The following MFSD2B variants were observed in gnomAD, a reference collection of about 807,000 sequenced individuals.
MFSD2B encodes MFSD2 lysolipid transporter B, sphingolipid.
Under a neutral mutation model 58.4 loss-of-function variants are expected in MFSD2B, and 56 were observed. The observed-to-expected ratio is 0.96, with a 90% confidence interval of 0.77 to 1.20. MFSD2B has a LOEUF of 1.20. Among genes scored for constraint, MFSD2B ranks in the 50% most tolerant of loss-of-function variants. MFSD2B has a pLI of 0.00. For missense variants in MFSD2B, 645 were observed against 667.6 expected (o/e 0.97, Z 0.37); for synonymous variants, 287 against 294.4 (o/e 0.97, Z 0.26).
At chr2:24,013,432 GTC>G (rs1709027406) in intron 2 of MFSD2B, 22 bp downstream of exon 2, 1 of 1,581,554 alleles carries the variant, frequency 6.3e-7, no homozygotes, top group Admixed American at 1.7e-5. Context: ...CAGTAGCCCA[GTC>G]TCTGCTGGCA....
Position 24,011,592 on chromosome 2 carries a change from C to A in MFSD2B, c.96+1400C>A, listed in dbSNP as rs996018022. Among the ~76,000 whole-genome samples the A allele has an allele frequency of 2.4e-4, 37 of 152,272 alleles. 1 individual carries two copies. Among genetic ancestry groups the A allele is most frequent in the African/African-American group, 8.7e-4 (36 of 41,542 alleles). ...GCCATGTCATCTCCACTCCCTCCAG[C>A]CCCCAGCAAACGATGAGAAAAGAGC... On this transcript the variant is annotated intron_variant, in intron 1 of 13. Transcript: ENST00000338315.
intron 6 of MFSD2B, among the ~76,000 whole-genome samples, chr2:24,019,885 G>A (rs572874543): frequency 1.3e-5 from 2 of 152,320 alleles, no homozygotes; most frequent in East Asian, 1.9e-4. Context: ...GAATCCACAC[G>A]CTGCTGCTGG....
Position 24,023,495 on chromosome 2 carries a change from G to A in MFSD2B, c.1170-88G>A. Reference sequence around the variant, plus strand: ...GGTCCTGGGCACAGAACTCAGGGATGAATCCACTTTGGCCTCCGTCCCCAG... The same window carrying A: ...GGTCCTGGGCACAGAACTCAGGGATAAATCCACTTTGGCCTCCGTCCCCAG... On this transcript the variant is annotated intron_variant, in intron 11 of 13. Transcript: ENST00000338315. The surrounding 1 kb of genome is among the most constrained non-coding windows in gnomAD (Gnocchi z 5.0). 6.8e-7 allele frequency: 1 copy of A among 1,461,734 alleles called. No homozygotes were observed. 90.5% of individuals were successfully genotyped at this position (1,461,734 alleles called of 1,614,324 possible). A position where few individuals can be genotyped will look rare whatever the true frequency, so the allele number is the denominator to read the frequency against.
At position 24,023,520 on chromosome 2, in the gene MFSD2B, G is replaced by A. The variant is rs899863190; in HGVS notation, c.1170-63G>A. 8.4e-6 allele frequency: 13 copies of A among 1,554,072 alleles called. No individual in the cohort carries two copies. Among genetic ancestry groups the A allele is most frequent in the Admixed American group, 5.8e-5 (3 of 51,616 alleles). ...GAATCCACTTTGGCCTCCGTCCCCA[G>A]AGAATTCACAGGCTGCTGGTGGCCA... On this transcript the variant is annotated intron_variant, in intron 11 of 13. Transcript: ENST00000338315. The surrounding 1 kb of genome is among the most constrained non-coding windows in gnomAD (Gnocchi z 5.0).
At position 24,025,614 on chromosome 2, in the gene MFSD2B, C is replaced by T. The variant is rs1012760001; in HGVS notation, c.*158C>T. 5 of 670,738 alleles carry T rather than the reference C, an allele frequency of 7.5e-6. No homozygotes were observed. Among genetic ancestry groups the T allele is most frequent in the African/African-American group, 7.1e-5 (4 of 56,174 alleles). The allele number at this position is 670,738 out of a possible 1,614,324, so 41.5% of individuals were successfully genotyped here. A position where few individuals can be genotyped will look rare whatever the true frequency, so the allele number is the denominator to read the frequency against. ...GCAACGTGTCCTGAAGGGACTGGCC[C>T]GCACTCCAGGACCCCACTTGGCATT... On this transcript the variant is annotated 3_prime_UTR_variant, in exon 14 of 14. Transcript: ENST00000338315.
In MFSD2B at chr2:24,017,203, G is replaced by A. The variant is rs531254350; in HGVS notation, c.472-83G>A. 2.1e-6 allele frequency: 3 copies of A among 1,412,654 alleles called. No individual in the cohort carries two copies. The highest frequency in any genetic ancestry group is 2.0e-5 in the Admixed American group (1 of 49,092). The allele number at this position is 1,412,654 out of a possible 1,614,324, so 87.5% of individuals were successfully genotyped here. A position where few individuals can be genotyped will look rare whatever the true frequency, so the allele number is the denominator to read the frequency against. On this transcript the variant is annotated intron_variant, in intron 4 of 13. Transcript: ENST00000338315. The surrounding 1 kb of genome is among the most constrained non-coding windows in gnomAD (Gnocchi z 4.8). ...ATGTCACGTTGGCCTGTGGGTGTCG[G>A]GATGTGACACCCAGGATGGGGGAGG...
intron 2 of MFSD2B, among the ~76,000 whole-genome samples, chr2:24,015,702 C>CAA (rs1298821065): frequency 6.6e-6 from 1 of 152,242 alleles, no homozygotes; most frequent in African/African-American, 2.4e-5. Flanking sequence ...TCAGAAAAAA[C>CAA]AATGCATCCT....
At chr2:24,011,445 C>T (rs971761604) in intron 1 of MFSD2B, among the ~76,000 whole-genome samples, 5 of 152,166 alleles carry the variant, frequency 3.3e-5, no homozygotes, top group African/African-American at 1.2e-4. Flanking sequence ...TCATCCTGCC[C>T]CCAGTGTGGT....
At position 24,021,647 on chromosome 2, in the gene MFSD2B, G is replaced by T. The variant is rs773412328; in HGVS notation, c.682-1G>T. ...CATCCCAGTCCTGTCCTGTCCCACA[G>T]GCCCATCTCTACTGCATTGCGGCTG... On this transcript the variant is annotated splice_acceptor_variant, in intron 6 of 13. Transcript: ENST00000338315. LOFTEE classifies it high-confidence loss of function. This position sits in a 1 kb window ranked among gnomAD's most constrained non-coding sequence, Gnocchi z 5.7. The T allele has an allele frequency of 6.8e-6, 11 of 1,611,856 alleles. No homozygotes were observed. Among genetic ancestry groups the T allele is most frequent in the Admixed American group, 3.3e-5 (2 of 59,710 alleles).
In MFSD2B at chr2:24,010,101, C is replaced by T; in HGVS notation, c.5C>T (p.Ala2Val). M[A>V]APPAPAAKGS... ...GCGGGCGGCGCTGCGGTGGCAATGGCGGCGCCCCCTGCACCAGCCGCCAAG... is the reference window on the plus strand; with the variant it reads ...GCGGGCGGCGCTGCGGTGGCAATGGTGGCGCCCCCTGCACCAGCCGCCAAG... The change falls in exon 1 of 14, where the codon GCG becomes GTG. Residue 2 changes from alanine to valine, a missense_variant. Coordinates refer to ENST00000338315, the MANE Select transcript of MFSD2B (RefSeq NM_001346880.2). 1 of 1,433,432 alleles carries T rather than the reference C, an allele frequency of 7.0e-7. No homozygotes were observed. Among genetic ancestry groups the T allele is most frequent in the Non-Finnish European group, 9.1e-7 (1 of 1,099,918 alleles). 88.8% of individuals were successfully genotyped at this position (1,433,432 alleles called of 1,614,324 possible).
At position 24,017,510 on chromosome 2, in the gene MFSD2B, C is replaced by T. The variant is rs1294489296; in HGVS notation, c.603C>T (p.Leu201=). 4 of 1,591,728 alleles carry T rather than the reference C, an allele frequency of 2.5e-6. No individual in the cohort carries two copies. Among genetic ancestry groups the T allele is most frequent in the East Asian group, 4.6e-5 (2 of 43,844 alleles). The change falls in exon 6 of 14, where the codon CTC becomes CTT. Residue 201 remains leucine (L), a synonymous_variant. Coordinates refer to ENST00000338315, the MANE Select transcript of MFSD2B (RefSeq NM_001346880.2). This position sits in a 1 kb window ranked among gnomAD's most constrained non-coding sequence, Gnocchi z 4.8. The part of the protein sequence containing the change: ...GTLMGATVHG[L]IVSGAHRPHR... ...TGATGGGGGCCACTGTCCACGGGCT[C>T]ATCGTGTCCGGCGCCCACAGACCCC...
At chr2:24,016,729 G>C in intron 3 of MFSD2B, 116 bp from the exon 4 acceptor site, 1 of 1,292,958 alleles carries the variant, frequency 7.7e-7, no homozygotes, top group Non-Finnish European at 1.0e-6. Flanking sequence ...CACCCAGGGC[G>C]CCCCAGCCTA....
chr2:24,022,301 G>A lies in MFSD2B; in HGVS notation c.895-132G>A. 3 of 761,602 alleles carry A rather than the reference G, an allele frequency of 3.9e-6. No individual in the cohort carries two copies. The highest frequency in any genetic ancestry group is 5.4e-5 in the East Asian group (2 of 37,294). The allele number at this position is 761,602 out of a possible 1,614,324, so 47.2% of individuals were successfully genotyped here. ...TTGGGGATAAGTGTCCTTTGTGGGG[G>A]AAGGGACTGTATGATGGTAGCAGCA... On this transcript the variant is annotated intron_variant, in intron 8 of 13. Transcript: ENST00000338315. The surrounding 1 kb of genome is among the most constrained non-coding windows in gnomAD (Gnocchi z 4.5).
chr2:24,025,351 A>G, intron 13 of MFSD2B, 81 bp from the exon 14 acceptor site: 5 of 1,358,998 alleles, frequency 3.7e-6, no homozygotes, highest in Non-Finnish European at 5.1e-6. Context: ...GCAGCCACCA[A>G]ACCTTCCGCG....
In MFSD2B at chr2:24,024,241, G is replaced by C. The variant is rs758480146; in HGVS notation, c.1460G>C (p.Arg487Pro). The change falls in exon 13 of 14, where the codon CGG becomes CCG. Residue 487 changes from arginine (R) to proline (P), a missense_variant. Transcript: ENST00000338315. The surrounding 1 kb of genome is among the most constrained non-coding windows in gnomAD (Gnocchi z 4.3). The stretch of plus-strand genomic sequence containing the variant: ...GGCTCCACTCCAAAGACACCCAGTC[G>C]GGACGCCTCCAGCCGGCTGAGCCTT... ...MVGSTPKTPS[R>P]DASSRLSLRR... 38 of 1,611,058 alleles carry C rather than the reference G, an allele frequency of 2.4e-5. 2 individuals are homozygous for C. The South Asian group carries it at 3.0e-4, about 13-fold the overall frequency.
chr2:24,017,304 A>C lies in MFSD2B; in HGVS notation c.490A>C (p.Thr164Pro). 1 of 1,603,970 alleles carries C rather than the reference A, an allele frequency of 6.2e-7. No individual in the cohort carries two copies. Among genetic ancestry groups the C allele is most frequent in the Non-Finnish European group, 8.5e-7 (1 of 1,175,870 alleles). The change falls in exon 5 of 14, where the codon ACA becomes CCA. Residue 164 changes from threonine (T) to proline (P), a missense_variant. Transcript: ENST00000338315. This position sits in a 1 kb window ranked among gnomAD's most constrained non-coding sequence, Gnocchi z 4.8. ...GCCCCAGTTCTTCCAGGTGCCCTAC[A>C]CAGCGCTCACCATGCTGCTGACTCC... ...ALATFFQVPY[T>P]ALTMLLTPCP...
In MFSD2B at chr2:24,021,987, G is replaced by GC. The variant is rs1558325656; in HGVS notation, c.894+22dup. 1.2e-6 allele frequency: 2 copies of GC among 1,613,880 alleles called. No individual in the cohort carries two copies. Among genetic ancestry groups the GC allele is most frequent in the Non-Finnish European group, 1.7e-6 (2 of 1,179,828 alleles). The stretch of plus-strand genomic sequence containing the variant: ...GCTGTTCAGGTACCTCTGGCCAGCT[G>GC]CCCCCGACAGGCTTGGTGCTGGCCA... On this transcript the variant is annotated intron_variant, in intron 8 of 13. Transcript: ENST00000338315. The surrounding 1 kb of genome is among the most constrained non-coding windows in gnomAD (Gnocchi z 5.7).
At chr2:24,014,350 C>T (rs149661577) in intron 2 of MFSD2B, among the ~76,000 whole-genome samples, 12 of 152,186 alleles carry the variant, frequency 7.9e-5, no homozygotes, top group Admixed American at 2.0e-4. Context: ...GACGGGGTTT[C>T]GCCATGTTGG....
At position 24,017,043 on chromosome 2, in the gene MFSD2B, TG is replaced by T; in HGVS notation, c.471+80del. 4 of 1,573,630 alleles carry T rather than the reference TG, an allele frequency of 2.5e-6. No homozygotes were observed. Among genetic ancestry groups the T allele is most frequent in the Non-Finnish European group, 8.6e-7 (1 of 1,162,622 alleles). ...GCCATGGCCACTCTGAAGTGTGCTG[TG>T]GGGGCAGGGCTGCCGCCCTCCCCAC... On this transcript the variant is annotated intron_variant, in intron 4 of 13. Coordinates refer to ENST00000338315, the MANE Select transcript of MFSD2B (RefSeq NM_001346880.2). The surrounding 1 kb of genome is among the most constrained non-coding windows in gnomAD (Gnocchi z 4.8).
Sources: allele counts gnomAD v4.1 joint callset (sites outside exome capture counted in the v4.1 genomes callset), GRCh38; gene constraint gnomAD v4.1.1; non-coding constraint Gnocchi (gnomAD v3.1); transcripts MANE v1.5; gene names NCBI Gene and HGNC (gene_info 2026-07-23, HGNC 2026-07-21).